Variants in NAALADL2 observed in about 807,000 individuals in gnomAD.
NAALADL2 encodes inactive N-acetylated-alpha-linked acidic dipeptidase-like protein 2.
A neutral mutation model predicts 87.2 loss-of-function variants in NAALADL2; 76 were observed. That is an observed-to-expected ratio of 0.87 (90% CI 0.72 to 1.05). The LOEUF (loss-of-function observed/expected upper bound fraction) is 1.05, where lower values mean the gene tolerates loss of function less well. Ranked by LOEUF, NAALADL2 falls within the 50% of genes least tolerant of loss-of-function variation. The pLI, the probability that NAALADL2 is intolerant of heterozygous loss-of-function variation, is 0.00. For synonymous variants in NAALADL2, 354 were observed against 331.0 expected (o/e 1.07, Z -0.75); for missense variants, 1,089 against 945.8 (o/e 1.15, Z -1.99).
At chr3:175,628,609 C>CTATGTA (rs10663163) in intron 11 of NAALADL2, among the ~76,000 whole-genome samples, 2,648 of 132,114 alleles carry the variant, frequency 0.02, 32 homozygotes, top group East Asian at 0.034. Context: ...AATAATCTCT[C>CTATGTA]TCTCTATGTA....
At chr3:174,453,312 G>T (rs1317385184) in intron 1 of NAALADL2, among the ~76,000 whole-genome samples, 2 of 152,140 alleles carry the variant, frequency 1.3e-5, no homozygotes. Context: ...CAACTTATTT[G>T]TGTCCTTGAA....
At chr3:175,223,944 ACT>A (rs1161540956) in intron 2 of NAALADL2, among the ~76,000 whole-genome samples, 1 of 152,104 alleles carries the variant, frequency 6.6e-6, no homozygotes, top group East Asian at 1.9e-4. Context: ...GCTCTAAGAA[ACT>A]CTATAAAATG....
intron 1 of NAALADL2, among the ~76,000 whole-genome samples, chr3:174,971,394 A>G: frequency 6.6e-6 from 1 of 152,212 alleles, no homozygotes; most frequent in East Asian, 1.9e-4. Context: ...TCTATCTTAA[A>G]GATGCCAAAA....
intron 8 of NAALADL2, among the ~76,000 whole-genome samples, chr3:175,471,202 A>G (rs1724812075): frequency 6.6e-6 from 1 of 152,008 alleles, no homozygotes; most frequent in Admixed American, 6.6e-5. Context: ...GAAAGAAATT[A>G]TGGCCGGGTG....
intron 1 of NAALADL2, among the ~76,000 whole-genome samples, chr3:174,525,010 G>A (rs1286240597): frequency 6.6e-6 from 1 of 152,158 alleles, no homozygotes; most frequent in East Asian, 1.9e-4. Context: ...TACTGTATAG[G>A]TTTGTTGCCT....
chr3:174,565,891 T>A (rs1183036825), intron 2 of NAALADL2, among the ~76,000 whole-genome samples: 1 of 152,046 alleles, frequency 6.6e-6, no homozygotes, highest in Non-Finnish European at 1.5e-5. Context: ...CCATCAGACA[T>A]TTCCTTTTGT....
intron 3 of NAALADL2, among the ~76,000 whole-genome samples, chr3:174,793,862 A>G (rs1201309239): frequency 6.7e-6 from 1 of 150,074 alleles, no homozygotes; most frequent in Non-Finnish European, 1.5e-5. Flanking sequence ...GCATGCTTTT[A>G]TATCTGTTTA....
chr3:174,712,799 ATATT>A (rs1191133165), intron 2 of NAALADL2, among the ~76,000 whole-genome samples: 3 of 151,590 alleles, frequency 2.0e-5, no homozygotes, highest in Non-Finnish European at 2.9e-5. Flanking sequence ...TTCTTTCTTT[ATATT>A]TATTTATTTT....
At chr3:175,019,068 C>A (rs1751224401) in intron 1 of NAALADL2, among the ~76,000 whole-genome samples, 1 of 151,994 alleles carries the variant, frequency 6.6e-6, no homozygotes, top group Non-Finnish European at 1.5e-5. Context: ...ACTGATGATT[C>A]CTGTAGGCAT....
At chr3:175,343,020 G>A (rs996361302) in intron 5 of NAALADL2, among the ~76,000 whole-genome samples, 27 of 152,104 alleles carry the variant, frequency 1.8e-4, no homozygotes, top group East Asian at 5.8e-4. Flanking sequence ...ATTTTCTGTA[G>A]TATGCATAAA....
chr3:175,091,281 T>G (rs1208508810), intron 1 of NAALADL2, among the ~76,000 whole-genome samples: 1 of 152,140 alleles, frequency 6.6e-6, no homozygotes, highest in Non-Finnish European at 1.5e-5. Context: ...AATGAATGTC[T>G]TTTGATGATG....
At chr3:175,181,253 T>A (rs929769459) in intron 2 of NAALADL2, among the ~76,000 whole-genome samples, 2 of 152,052 alleles carry the variant, frequency 1.3e-5, no homozygotes, top group Non-Finnish European at 2.9e-5. Context: ...TAACTTCATA[T>A]CCCTTGATTC....
intron 3 of NAALADL2, among the ~76,000 whole-genome samples, chr3:175,237,480 C>T (rs1746102787): frequency 6.6e-6 from 1 of 152,026 alleles, no homozygotes; most frequent in South Asian, 2.1e-4. Flanking sequence ...TGGTGTTCTC[C>T]ACCCCCAGCC....
intron 2 of NAALADL2, among the ~76,000 whole-genome samples, chr3:175,148,130 AT>A (rs1731049746): frequency 1.4e-5 from 2 of 147,778 alleles, no homozygotes; most frequent in South Asian, 4.2e-4. Context: ...TAATAAAATA[AT>A]AATAATAGCC....
At chr3:175,137,343 A>G (rs1272356236) in intron 2 of NAALADL2, among the ~76,000 whole-genome samples, 1 of 152,112 alleles carries the variant, frequency 6.6e-6, no homozygotes. Flanking sequence ...ACGTTATATC[A>G]TTAGAATTTC....
intron 3 of NAALADL2, among the ~76,000 whole-genome samples, chr3:174,763,784 A>C (rs754768178): frequency 1.3e-5 from 2 of 150,790 alleles, no homozygotes; most frequent in Admixed American, 1.3e-4. Context: ...AAAGATCTAT[A>C]CATCAGTTTT....
intron 2 of NAALADL2, among the ~76,000 whole-genome samples, chr3:175,216,903 G>A (rs1183221722): frequency 3.3e-5 from 5 of 151,910 alleles, no homozygotes; most frequent in African/African-American, 7.3e-5. Context: ...TCCTGACCTC[G>A]TGATCTGCCC....
At chr3:175,126,133 G>A (rs1726907039) in intron 2 of NAALADL2, among the ~76,000 whole-genome samples, 1 of 152,084 alleles carries the variant, frequency 6.6e-6, no homozygotes, top group African/African-American at 2.4e-5. Flanking sequence ...GGAGTAATTG[G>A]TGATTGCAAC....
intron 10 of NAALADL2, among the ~76,000 whole-genome samples, chr3:175,585,273 A>G (rs1490556986): frequency 6.6e-6 from 1 of 152,162 alleles, no homozygotes; most frequent in East Asian, 1.9e-4. Flanking sequence ...TTTCAGTATC[A>G]TTGTACTCTT....
Sources: allele counts gnomAD v4.1 joint callset (sites outside exome capture counted in the v4.1 genomes callset), GRCh38; gene constraint gnomAD v4.1.1; transcripts MANE v1.5; gene names NCBI Gene and HGNC (gene_info 2026-07-23, HGNC 2026-07-21).